The following PCDH15 variants were observed in gnomAD, a reference collection of about 807,000 sequenced individuals.
PCDH15 encodes protocadherin related 15, also known as protocadherin-15.
Under a neutral mutation model 178.5 loss-of-function variants are expected in PCDH15, and 129 were observed. That is an observed-to-expected ratio of 0.72 (90% CI 0.63 to 0.84). The LOEUF (loss-of-function observed/expected upper bound fraction) is 0.84. Among genes scored for constraint, PCDH15 ranks in the 40% least tolerant of loss-of-function variants. The pLI, the probability that PCDH15 is intolerant of heterozygous loss-of-function variation, is 0.00. For synonymous variants in PCDH15, 800 were observed against 732.0 expected (o/e 1.09, Z -1.50); for missense variants, 2,230 against 2,099.9 (o/e 1.06, Z -1.21).
chr10:54,399,984 G>A (rs1169388413), intron 3 of PCDH15, among the ~76,000 whole-genome samples: 4 of 152,032 alleles, frequency 2.6e-5, no homozygotes, highest in South Asian at 2.1e-4. Flanking sequence ...ACCTGGAGGA[G>A]ATGAAAATCA....
chr10:55,532,090 A>G (rs1330501348), intron 2 of PCDH15, among the ~76,000 whole-genome samples: 1 of 152,040 alleles, frequency 6.6e-6, no homozygotes, highest in Non-Finnish European at 1.5e-5. Context: ...GTACATAGCT[A>G]TTTATAATTT....
intron 3 of PCDH15, among the ~76,000 whole-genome samples, chr10:54,470,469 C>T (rs541011464): frequency 1.4e-4 from 21 of 152,092 alleles, no homozygotes; most frequent in Non-Finnish European, 2.1e-4. Context: ...AGGATGCAAA[C>T]TGGTGGGGAC....
intron 11 of PCDH15, among the ~76,000 whole-genome samples, chr10:54,195,088 A>G (rs2049470591): frequency 6.6e-6 from 1 of 152,126 alleles, no homozygotes; most frequent in Non-Finnish European, 1.5e-5. Flanking sequence ...TCCCTTTATA[A>G]CATTCACTCT....
At chr10:55,208,020 A>G (rs1027849736) in intron 1 of PCDH15, among the ~76,000 whole-genome samples, 1 of 152,160 alleles carries the variant, frequency 6.6e-6, no homozygotes, top group Non-Finnish European at 1.5e-5. Flanking sequence ...TATATTTTTA[A>G]CTCATGGGAT....
intron 2 of PCDH15, among the ~76,000 whole-genome samples, chr10:55,481,494 C>A (rs1840180519): frequency 6.6e-6 from 1 of 151,806 alleles, no homozygotes; most frequent in Admixed American, 6.6e-5. Flanking sequence ...TCCCTCTTAA[C>A]AATATCTTAA....
At chr10:53,998,561 A>G (rs1011780808) in intron 20 of PCDH15, among the ~76,000 whole-genome samples, 20 of 152,188 alleles carry the variant, frequency 1.3e-4, no homozygotes, top group Non-Finnish European at 5.9e-5. Flanking sequence ...TCATGCTAGG[A>G]AGATAAGAAC....
intron 14 of PCDH15, among the ~76,000 whole-genome samples, chr10:54,140,612 G>A (rs2043313410): frequency 6.6e-6 from 1 of 151,978 alleles, no homozygotes; most frequent in Admixed American, 6.6e-5. Context: ...TGGGACTACA[G>A]GTGCTGCCAC....
chr10:54,252,191 G>T (rs80099710), intron 8 of PCDH15, among the ~76,000 whole-genome samples: 7 of 151,972 alleles, frequency 4.6e-5, no homozygotes, highest in African/African-American at 1.7e-4. Flanking sequence ...GGCAAAAATC[G>T]TACTTAGACC....
intron 1 of PCDH15, among the ~76,000 whole-genome samples, chr10:54,723,878 CA>C (rs1209265671): frequency 1.3e-5 from 2 of 151,446 alleles, no homozygotes; most frequent in African/African-American, 4.8e-5. Flanking sequence ...TATTAAAAGT[CA>C]AAAAACAAGA....
chr10:55,297,053 T>A (rs1198775247), intron 1 of PCDH15, among the ~76,000 whole-genome samples: 2 of 152,080 alleles, frequency 1.3e-5, no homozygotes, highest in South Asian at 2.1e-4. Context: ...AGGTACTCCA[T>A]AAGTCATCTG....
chr10:53,965,423 G>C (rs535658024), intron 21 of PCDH15, among the ~76,000 whole-genome samples: 13 of 152,254 alleles, frequency 8.5e-5, no homozygotes, highest in African/African-American at 3.1e-4. Flanking sequence ...AATTTTCTTA[G>C]CTGGAAAATG....
intron 1 of PCDH15, among the ~76,000 whole-genome samples, chr10:55,204,071 A>T (rs1840327402): frequency 6.7e-6 from 1 of 150,350 alleles, no homozygotes; most frequent in East Asian, 1.9e-4. Context: ...ATTAATTTAT[A>T]AACATTATAT....
chr10:54,084,764 T>A (rs2094491481), intron 16 of PCDH15, among the ~76,000 whole-genome samples: 1 of 152,228 alleles, frequency 6.6e-6, no homozygotes, highest in Admixed American at 6.5e-5. Context: ...TCTCACATAT[T>A]TCATGATGTA....
chr10:54,192,710 G>A (rs1224517140), intron 11 of PCDH15, among the ~76,000 whole-genome samples: 4 of 151,866 alleles, frequency 2.6e-5, no homozygotes, highest in African/African-American at 9.7e-5. Flanking sequence ...TCACTCTCTG[G>A]ACACCTAATG....
At chr10:55,338,764 G>A (rs1844470597) in intron 2 of PCDH15, among the ~76,000 whole-genome samples, 1 of 152,058 alleles carries the variant, frequency 6.6e-6, no homozygotes, top group Non-Finnish European at 1.5e-5. Flanking sequence ...GACAGAGACT[G>A]AGACTCCATC....
chr10:55,610,533 C>A (rs906176230), intron 2 of PCDH15, among the ~76,000 whole-genome samples: 5 of 151,912 alleles, frequency 3.3e-5, no homozygotes, highest in African/African-American at 9.7e-5. Flanking sequence ...AGGATAAGTA[C>A]GAGTCATTTC....
chr10:54,929,508 G>T (rs888260513), intron 2 of PCDH15, among the ~76,000 whole-genome samples: 5 of 152,110 alleles, frequency 3.3e-5, no homozygotes, highest in African/African-American at 1.2e-4. Context: ...TCACTTTGGA[G>T]ATCATTATGG....
At chr10:54,508,067 G>C (rs1286146671) in intron 3 of PCDH15, among the ~76,000 whole-genome samples, 1 of 151,900 alleles carries the variant, frequency 6.6e-6, no homozygotes, top group African/African-American at 2.4e-5. Flanking sequence ...ACATTTTATA[G>C]TTAGAAAAAT....
chr10:55,035,861 A>AT (rs918279491), intron 2 of PCDH15, among the ~76,000 whole-genome samples: 9 of 152,074 alleles, frequency 5.9e-5, no homozygotes, highest in South Asian at 4.2e-4. Context: ...TGAATGTCCA[A>AT]TTTTTTTTAT....
Sources: gnomAD v4.1 joint callset for allele counts (sites outside exome capture counted in the v4.1 genomes callset) on GRCh38, gnomAD v4.1.1 for gene constraint, MANE v1.5 for transcripts, NCBI Gene and HGNC (gene_info 2026-07-23, HGNC 2026-07-21) for gene names.